The following LMTK2 variants were observed in gnomAD, a reference collection of about 807,000 sequenced individuals.
LMTK2 encodes lemur tail kinase 2, also known as serine/threonine-protein kinase LMTK2.
LMTK2 carries 37 observed loss-of-function variants against 127.5 expected under a neutral mutation model. The ratio of observed to expected loss-of-function variants is 0.29; its 90% CI spans 0.22 to 0.38. The LOEUF (loss-of-function observed/expected upper bound fraction) is 0.38. LMTK2 is among the 10% of genes least tolerant of loss of function. The pLI, the probability that LMTK2 is intolerant of heterozygous loss-of-function variation, is 1.00. For missense variants in LMTK2, 1,694 were observed against 1,920.3 expected, an observed-to-expected ratio of 0.88 and a Z score of 2.20; for synonymous variants, 819 against 810.1, an observed-to-expected ratio of 1.01 and a Z score of -0.19.
chr7:98,123,462 C>T (rs1168712043), intron 1 of LMTK2, among the ~76,000 whole-genome samples: 2 of 151,884 alleles, frequency 1.3e-5, no homozygotes, highest in Non-Finnish European at 2.9e-5. Flanking sequence ...GTGTGTTTGG[C>T]TGTTGTGTCC....
intron 3 of LMTK2, among the ~76,000 whole-genome samples, chr7:98,146,937 C>G (rs193163818): frequency 1.9e-4 from 29 of 152,310 alleles, no homozygotes; most frequent in Admixed American, 3.9e-4. Flanking sequence ...GGCAGGTATA[C>G]TGGCAGCAAA....
In LMTK2 at chr7:98,109,453, GCA is replaced by G. The variant is rs1435955643; in HGVS notation, c.103+2176_103+2177del. The stretch of plus-strand genomic sequence containing the variant: ...TAGGGTTAAAGTCTGTGGAAAAGAC[GCA>G]CAGTCAGGCCGGGAGCAGTGGATCA... On this transcript the variant is annotated intron_variant, in intron 1 of 13. Transcript: ENST00000297293. 5.9e-5 allele frequency among the ~76,000 whole-genome samples: 9 copies of G among 152,032 alleles called. No homozygotes were observed. The South Asian group carries it at 1.2e-3, about 21-fold the overall frequency.
At chr7:98,111,297 G>C (rs1796198311) in intron 1 of LMTK2, among the ~76,000 whole-genome samples, 1 of 152,226 alleles carries the variant, frequency 6.6e-6, no homozygotes, top group Admixed American at 6.5e-5. Flanking sequence ...GATAACAGCT[G>C]TAGATATAAT....
chr7:98,168,571 C>G (rs1797137677), intron 6 of LMTK2, among the ~76,000 whole-genome samples: 1 of 152,172 alleles, frequency 6.6e-6, no homozygotes. Flanking sequence ...TTTAATTTTT[C>G]AGTTCTAAAG....
chr7:98,120,090 A>C (rs923138575), intron 1 of LMTK2, among the ~76,000 whole-genome samples: 1 of 152,202 alleles, frequency 6.6e-6, no homozygotes, highest in African/African-American at 2.4e-5. Context: ...ATGATTGTAT[A>C]ATCATCAGTC....
chr7:98,124,383 T>A (rs1321592543), intron 1 of LMTK2, among the ~76,000 whole-genome samples: 3 of 152,238 alleles, frequency 2.0e-5, no homozygotes, highest in African/African-American at 7.2e-5. Flanking sequence ...GCACAGTGGC[T>A]CATGACTGTT....
chr7:98,115,643 A>G (rs1210427766), intron 1 of LMTK2, among the ~76,000 whole-genome samples: 1 of 151,896 alleles, frequency 6.6e-6, no homozygotes, highest in Non-Finnish European at 1.5e-5. Flanking sequence ...CCCCGTCTCT[A>G]CTAAAAAGTC....
At chr7:98,202,284 C>G (rs1226287500) in intron 11 of LMTK2, among the ~76,000 whole-genome samples, 3 of 152,160 alleles carry the variant, frequency 2.0e-5, no homozygotes, top group African/African-American at 7.2e-5. Context: ...TTTTGTCATT[C>G]TTCTTATCAT....
chr7:98,119,170 T>C (rs1468416128), intron 1 of LMTK2, among the ~76,000 whole-genome samples: 3 of 152,080 alleles, frequency 2.0e-5, no homozygotes, highest in African/African-American at 7.2e-5. Flanking sequence ...AAGGCTGGGC[T>C]GGAATCCTGC....
At chr7:98,153,476 G>A (rs112977356) in intron 4 of LMTK2, among the ~76,000 whole-genome samples, 1 of 152,204 alleles carries the variant, frequency 6.6e-6, no homozygotes, top group African/African-American at 2.4e-5. Flanking sequence ...GAAAGAAGTT[G>A]TTCAGGGGGA....
At chr7:98,143,201 T>C (rs13236351) in intron 3 of LMTK2, among the ~76,000 whole-genome samples, 4,237 of 152,252 alleles carry the variant, frequency 0.028, 88 homozygotes, top group Middle Eastern at 0.078. Flanking sequence ...TACCCTAATA[T>C]CCCTCTCCGT....
At chr7:98,114,402 A>G (rs1000524197) in intron 1 of LMTK2, among the ~76,000 whole-genome samples, 16 of 151,650 alleles carry the variant, frequency 1.1e-4, no homozygotes, top group Middle Eastern at 3.4e-3. Context: ...ACCATGCCTG[A>G]CTGATGTAAA....
At chr7:98,186,303 C>T (rs1797432732) in intron 8 of LMTK2, among the ~76,000 whole-genome samples, 1 of 152,214 alleles carries the variant, frequency 6.6e-6, no homozygotes, top group Admixed American at 6.5e-5. Flanking sequence ...CTTTGTGATC[C>T]GCCCACCTCA....
In LMTK2 at chr7:98,171,533, T is replaced by C; in HGVS notation, c.658-8T>C. ...CGTTTGGAAACTCACACGGGCTGAC[T>C]TTTGCAGGGTGACCTGAAGGCGTAT... On this transcript the variant is annotated splice_region_variant and splice_polypyrimidine_tract_variant and intron_variant, in intron 6 of 13. Coordinates refer to ENST00000297293, the MANE Select transcript of LMTK2 (RefSeq NM_014916.4). This position sits in a 1 kb window ranked among gnomAD's most constrained non-coding sequence, Gnocchi z 5.1. 6.2e-7 allele frequency: 1 copy of C among 1,614,030 alleles called. No individual in the cohort carries two copies.
intron 13 of LMTK2, among the ~76,000 whole-genome samples, chr7:98,205,250 C>T (rs1240379290): frequency 6.6e-6 from 1 of 152,264 alleles, no homozygotes; most frequent in Non-Finnish European, 1.5e-5. Context: ...CACCCTGACC[C>T]TTAGCGCCCA....
intron 1 of LMTK2, among the ~76,000 whole-genome samples, chr7:98,131,481 A>C (rs995995004): frequency 9.2e-5 from 14 of 151,550 alleles, no homozygotes; most frequent in African/African-American, 3.4e-4. Flanking sequence ...ATGTCTCGCT[A>C]TTCATAATGT....
chr7:98,178,314 T>C (rs1797304316), intron 7 of LMTK2, among the ~76,000 whole-genome samples: 1 of 152,220 alleles, frequency 6.6e-6, no homozygotes. Context: ...TGAGTTTGCA[T>C]TGGAGAACCC....
intron 2 of LMTK2, among the ~76,000 whole-genome samples, chr7:98,137,677 G>T (rs1037034017): frequency 1.3e-5 from 2 of 152,216 alleles, no homozygotes; most frequent in Non-Finnish European, 2.9e-5. Flanking sequence ...TCATGGCTTT[G>T]TGCCAATAAA....
At chr7:98,119,800 A>G (rs924371361) in intron 1 of LMTK2, among the ~76,000 whole-genome samples, 3 of 151,972 alleles carry the variant, frequency 2.0e-5, no homozygotes, top group African/African-American at 7.3e-5. Flanking sequence ...TAACGTGAGA[A>G]CCCCTGATTC....
Sources: gnomAD v4.1 joint callset for allele counts (sites outside exome capture counted in the v4.1 genomes callset) on GRCh38, gnomAD v4.1.1 for gene constraint, Gnocchi (gnomAD v3.1) non-coding constraint, MANE v1.5 for transcripts, NCBI Gene and HGNC (gene_info 2026-07-23, HGNC 2026-07-21) for gene names.